The following ZNF546 variants were observed in gnomAD, a reference collection of about 807,000 sequenced individuals.
ZNF546 encodes the protein zinc finger protein 546.
A neutral mutation model predicts 76.2 loss-of-function variants in ZNF546; 60 were observed. The observed-to-expected ratio is 0.79, with a 90% CI of 0.64 to 0.98. ZNF546 has a LOEUF of 0.98. Among genes scored for constraint, ZNF546 ranks in the 50% least tolerant of loss-of-function variants. The pLI is 0.00. For missense variants in ZNF546, 936 were observed against 1,035.6 expected (o/e 0.90, Z 1.32); for synonymous variants, 277 against 328.1 (o/e 0.84, Z 1.68).
chr19:40,008,485 A>G lies in ZNF546; in HGVS notation c.314A>G (p.Lys105Arg), dbSNP rs774391753. Reference sequence around the variant, plus strand: ...TCATGAGCAGGATATACCATTCCTAAGCCAGATGTGATTACTTTATTGGAG... The same window carrying G: ...TCATGAGCAGGATATACCATTCCTAGGCCAGATGTGATTACTTTATTGGAG... Reference protein sequence around the residue: ...NLVSLGYTIPKPDVITLLEQE... With the variant: ...NLVSLGYTIPRPDVITLLEQE... Residue 105 changes from lysine to arginine, a missense_variant, in exon 6 of 7, where the codon AAG becomes AGG. Physicochemically the swap from Lys to Arg is conservative, Grantham distance 26. Transcript: ENST00000347077. 5.0e-6 allele frequency: 8 copies of G among 1,611,362 alleles called. No homozygotes were observed. The South Asian group carries it at 8.8e-5, about 18-fold the overall frequency.
chr19:40,010,947 T>TA, intron 6 of ZNF546, among the ~76,000 whole-genome samples: 1 of 152,192 alleles, frequency 6.6e-6, no homozygotes, highest in Non-Finnish European at 1.5e-5. Flanking sequence ...CCCAAAGTGC[T>TA]GGGCTTACAG....
rs1255436781 is a variant in ZNF546 at position 40,006,029 on chromosome 19, T to A, written c.85-67T>A. The A allele has an allele frequency of 6.0e-6, 8 of 1,334,156 alleles. No homozygotes were observed. The Admixed American group carries it at 1.0e-4, about 17-fold the overall frequency. 82.6% of individuals were successfully genotyped at this position (1,334,156 alleles called of 1,614,324 possible). ...GAAATGATGGCATAACAGGATCTTATTAACTTAAGTCATTTTAGGAGTTTT... is the reference window on the plus strand; with the variant it reads ...GAAATGATGGCATAACAGGATCTTAATAACTTAAGTCATTTTAGGAGTTTT... On this transcript the variant is annotated intron_variant, in intron 3 of 6. Transcript: ENST00000347077.
rs777781161 is a variant in ZNF546 at position 40,015,742 on chromosome 19, G to C, written c.2472G>C (p.Gln824His). ...GTAGTGATCAACTTACTTTACATCAGAGAAATCATATTAGTGAGGAAGTCC... is the reference window on the plus strand; with the variant it reads ...GTAGTGATCAACTTACTTTACATCACAGAAATCATATTAGTGAGGAAGTCC... ...FIRSDQLTLHQRNHISEEVLC... is the reference protein window; with the variant it reads ...FIRSDQLTLHHRNHISEEVLC... The change falls in exon 7 of 7, where the codon CAG (glutamine) becomes CAC (histidine). Residue 824 changes from glutamine (Q) to histidine (H), a missense_variant. Gln to His is a conservative substitution (Grantham distance 24). Coordinates refer to ENST00000347077, the MANE Select transcript of ZNF546 (RefSeq NM_178544.5). The C allele has an allele frequency of 3.0e-5, 49 of 1,612,880 alleles. No individual in the cohort carries two copies. Among genetic ancestry groups the C allele is most frequent in the Middle Eastern group, 3.3e-4 (2 of 6,074 alleles).
In ZNF546 at chr19:40,017,474, A is replaced by AT. The variant is rs1425495304; in HGVS notation, c.*1696dup. 6.6e-6 allele frequency: 1 copy of AT among 152,228 alleles called. No individual in the cohort carries two copies. Among genetic ancestry groups the AT allele is most frequent in the Non-Finnish European group, 1.5e-5 (1 of 68,046 alleles). The allele number at this position is 152,228 out of a possible 1,614,324, so 9.4% of individuals were successfully genotyped here. ...TAATATTTACATATTTTGCTGTAGT[A>AT]TTTGAGTATAAATTGCAGATACTAT... On this transcript the variant is annotated 3_prime_UTR_variant, in exon 7 of 7. Coordinates refer to ENST00000347077, the MANE Select transcript of ZNF546 (RefSeq NM_178544.5).
At position 40,015,530 on chromosome 19, in the gene ZNF546, T is replaced by G; in HGVS notation, c.2260T>G (p.Cys754Gly). Residue 754 changes from cysteine to glycine, a missense_variant, in exon 7 of 7, where the codon TGT becomes GGT. Transcript: ENST00000347077. ...TGAGAAACCTTATAGCTGTAAAGAA[T>G]GTGGGAATGCCTTTCGTCTTCAAGC... is the stretch of plus-strand genomic sequence containing the variant. ...TGEKPYSCKE[C>G]GNAFRLQAEL... The G allele has an allele frequency of 6.2e-7, 1 of 1,614,174 alleles. No homozygotes were observed. Among genetic ancestry groups the G allele is most frequent in the Non-Finnish European group, 8.5e-7 (1 of 1,180,044 alleles).
At chr19:40,006,333 A>G (rs753321168) in intron 4 of ZNF546, 151 bp downstream of exon 4, 11 of 653,214 alleles carry the variant, frequency 1.7e-5, no homozygotes, top group Non-Finnish European at 2.9e-5. Context: ...GATAGTGCCA[A>G]ATAGCCTAGT....
intron 6 of ZNF546, 66 bp downstream of exon 6, chr19:40,008,631 G>C: frequency 1.5e-6 from 2 of 1,313,980 alleles, no homozygotes; most frequent in Non-Finnish European, 2.2e-6. Context: ...TCAGGGAGGA[G>C]GCACAGCACT....
At chr19:40,008,601 A>G in intron 6 of ZNF546, 36 bp downstream of exon 6, 2 of 1,540,458 alleles carry the variant, frequency 1.3e-6, no homozygotes, top group Admixed American at 3.3e-5. Flanking sequence ...GGGTGCTATC[A>G]CAAGTTATGA....
At position 40,016,032 on chromosome 19, in the gene ZNF546, A is replaced by C; in HGVS notation, c.*251A>C. ...TTTCCCCTACAAACTGTTGTTGAAC[A>C]GTGCTTCTCTAAAATGCAATAATAA... On this transcript the variant is annotated 3_prime_UTR_variant, in exon 7 of 7. Transcript: ENST00000347077. 6.1e-6 allele frequency: 3 copies of C among 490,314 alleles called. No individual in the cohort carries two copies. Among genetic ancestry groups the C allele is most frequent in the Non-Finnish European group, 1.1e-5 (3 of 272,548 alleles). The allele number at this position is 490,314 out of a possible 1,614,324, so 30.4% of individuals were successfully genotyped here. A position where few individuals can be genotyped will look rare whatever the true frequency, so the allele number is the denominator to read the frequency against.
intron 6 of ZNF546, 104 bp downstream of exon 6, chr19:40,008,669 G>A: frequency 1.3e-6 from 1 of 748,238 alleles, no homozygotes; most frequent in Non-Finnish European, 2.2e-6. Context: ...CCCTTCAAAG[G>A]CCTGAGGCCT....
At position 40,015,716 on chromosome 19, in the gene ZNF546, C is replaced by T. The variant is rs140742872; in HGVS notation, c.2446C>T (p.Arg816Cys). The T allele has an allele frequency of 1.9e-4, 304 of 1,613,922 alleles. No individual in the cohort carries two copies. The African/African-American group carries it at 2.2e-3, about 12-fold the overall frequency. Residue 816 changes from arginine to cysteine, a missense_variant, in exon 7 of 7, where the codon CGT (arginine) becomes TGT (cysteine). Transcript: ENST00000347077. ...TAAAGAATGTGGAAAAGCCTTTATT[C>T]GTAGTGATCAACTTACTTTACATCA... ...QCKECGKAFI[R>C]SDQLTLHQRN...
chr19:40,010,069 A>C (rs1432967516), intron 6 of ZNF546, among the ~76,000 whole-genome samples: 1 of 152,222 alleles, frequency 6.6e-6, no homozygotes, highest in Admixed American at 6.5e-5. Flanking sequence ...TATGATAAAT[A>C]TATGTCTATT....
At chr19:40,008,179 A>G (rs574562483) in intron 5 of ZNF546, among the ~76,000 whole-genome samples, 2 of 152,326 alleles carry the variant, frequency 1.3e-5, no homozygotes, top group South Asian at 4.1e-4. Context: ...ATTTGAACCC[A>G]GGCCATAGGG....
At chr19:40,002,612 T>C (rs1971543698) in intron 3 of ZNF546, among the ~76,000 whole-genome samples, 1 of 152,222 alleles carries the variant, frequency 6.6e-6, no homozygotes, top group Admixed American at 6.5e-5. Context: ...GATGATGGAT[T>C]TGTTCTATGT....
chr19:40,011,359 A>G (rs234308), intron 6 of ZNF546: 24,819 of 151,710 alleles, frequency 0.16, 4,612 homozygotes, highest in African/African-American at 0.45. Flanking sequence ...CCGAGTAGCT[A>G]GGACTACAGG....
At position 40,008,555 on chromosome 19, in the gene ZNF546, T is replaced by C; in HGVS notation, c.384T>C (p.Asn128=). Reference sequence around the variant, plus strand: ...TAGTAATGAGGGAAGGGACAAGGAATTGGTTCACAGGTGAGTGACAGCAAA... The same window carrying C: ...TAGTAATGAGGGAAGGGACAAGGAACTGGTTCACAGGTGAGTGACAGCAAA... The part of the protein sequence containing the change: ...PWIVMREGTR[N]WFTDLEYKYI... Residue 128 remains asparagine (N), a synonymous_variant, in exon 6 of 7, where the codon AAT becomes AAC. Transcript: ENST00000347077. 1.2e-6 allele frequency: 2 copies of C among 1,612,770 alleles called. No homozygotes were observed. The highest frequency in any genetic ancestry group is 2.2e-5 in the East Asian group (1 of 44,862).
intron 5 of ZNF546, 125 bp from the exon 6 acceptor site, chr19:40,008,345 C>T (rs1414653591): frequency 3.5e-6 from 2 of 574,786 alleles, no homozygotes; most frequent in Non-Finnish European, 6.1e-6. Flanking sequence ...ACTGTCATGG[C>T]ATTGTCTAGT....
chr19:40,008,782 T>A (rs1024302393), intron 6 of ZNF546, among the ~76,000 whole-genome samples: 1 of 152,216 alleles, frequency 6.6e-6, no homozygotes, highest in Non-Finnish European at 1.5e-5. Context: ...TCTTCTCTCG[T>A]ATTTCTCTCC....
In ZNF546 at chr19:40,014,860, T is replaced by C; in HGVS notation, c.1590T>C (p.Cys530=). The stretch of plus-strand genomic sequence containing the variant: ...AGAAACCCTACATATGTAACGAATG[T>C]GGAAAAGCCTTTCGTCTTCAAGGAG... ...TGEKPYICNE[C]GKAFRLQGEL... is the part of the protein sequence containing the mutation. Residue 530 remains cysteine, a synonymous_variant, in exon 7 of 7, where the codon TGT becomes TGC. Transcript: ENST00000347077. 1 of 1,613,892 alleles carries C rather than the reference T, an allele frequency of 6.2e-7. No homozygotes were observed. The highest frequency in any genetic ancestry group is 8.5e-7 in the Non-Finnish European group (1 of 1,179,916).
Sources: gnomAD v4.1 joint callset for allele counts (sites outside exome capture counted in the v4.1 genomes callset) on GRCh38, gnomAD v4.1.1 for gene constraint, MANE v1.5 for transcripts, NCBI Gene and HGNC (gene_info 2026-07-23, HGNC 2026-07-21) for gene names.